The following FOXL1 variants were observed in gnomAD, a reference collection of about 807,000 sequenced individuals.
FOXL1 encodes forkhead box L1, also known as forkhead box protein L1.
Under a neutral mutation model 1.7 loss-of-function variants are expected in FOXL1, and 2 were observed. The ratio of observed to expected loss-of-function variants is 1.21; its 90% CI spans 0.49 to 3.80. The LOEUF (loss-of-function observed/expected upper bound fraction) is 3.80, where lower values mean the gene tolerates loss of function less well. FOXL1 is among the 30% of genes most tolerant of loss of function. The pLI, the probability that FOXL1 is intolerant of heterozygous loss-of-function variation, is 0.07. For synonymous variants in FOXL1, 280 were observed against 229.3 expected (o/e 1.22, Z -2.00); for missense variants, 565 against 495.8 (o/e 1.14, Z -1.32).
At position 86,581,493 on chromosome 16, in the gene FOXL1, C is replaced by T. The variant is rs1359374162; in HGVS notation, c.*1732C>T. ...TCCTATCCATGCTGAACCAGGCTTCCACGACTGGGTTCTACCCAGGCCAGT... is the reference window on the plus strand; with the variant it reads ...TCCTATCCATGCTGAACCAGGCTTCTACGACTGGGTTCTACCCAGGCCAGT... On this transcript the variant is annotated 3_prime_UTR_variant, in exon 1 of 1. Transcript: ENST00000320241. 6.0e-6 allele frequency: 1 copy of T among 167,072 alleles called. No homozygotes were observed. Among genetic ancestry groups the T allele is most frequent in the Admixed American group, 6.5e-5 (1 of 15,288 alleles). The allele number at this position is 167,072 out of a possible 1,614,324, so 10.3% of individuals were successfully genotyped here.
Position 86,579,140 on chromosome 16 carries a change from G to A in FOXL1, c.417G>A (p.Arg139=), listed in dbSNP as rs763982001. 1.2e-5 allele frequency: 20 copies of A among 1,613,248 alleles called. No individual in the cohort carries two copies. The highest frequency in any genetic ancestry group is 1.7e-5 in the Admixed American group (1 of 59,992). Residue 139 remains arginine (R), a synonymous_variant, in exon 1 of 1, where the codon CGG becomes CGA. Transcript: ENST00000320241. ...CLDMFENGNY[R]RRKRKPKPGP... ...ACATGTTTGAGAACGGCAACTACCG[G>A]CGCCGGAAGAGGAAGCCCAAGCCGG...
At position 86,579,407 on chromosome 16, in the gene FOXL1, G is replaced by T; in HGVS notation, c.684G>T (p.Val228=). The part of the protein sequence containing the change: ...AGDAAQGAAA[V]AVGQAARTGD... ...ACGCTGCCCAGGGCGCAGCGGCCGT[G>T]GCGGTCGGCCAGGCAGCGCGCACAG... The change falls in exon 1 of 1, where the codon GTG becomes GTT. Residue 228 remains valine, a synonymous_variant. Transcript: ENST00000320241. 6.5e-7 allele frequency: 1 copy of T among 1,528,272 alleles called. No homozygotes were observed. 94.7% of individuals were successfully genotyped at this position (1,528,272 alleles called of 1,614,324 possible). A position where few individuals can be genotyped will look rare whatever the true frequency, so the allele number is the denominator to read the frequency against.
rs1974383503 is a variant in FOXL1 at position 86,579,439 on chromosome 16, G to A, written c.716G>A (p.Gly239Asp). The part of the protein sequence containing the change: ...AVGQAARTGD[G>D]PGSPLRPASR... ...GGCCAGGCAGCGCGCACAGGGGACG[G>A]CCCGGGGTCCCCTCTGCGCCCCGCC... The change falls in exon 1 of 1, where the codon GGC becomes GAC. Residue 239 changes from glycine (G) to aspartate (D), a missense_variant. By Grantham distance (94) the Gly-to-Asp change is moderately conservative. Coordinates refer to ENST00000320241, the MANE Select transcript of FOXL1 (RefSeq NM_005250.3). 3 of 1,548,436 alleles carry A rather than the reference G, an allele frequency of 1.9e-6. No homozygotes were observed. The highest frequency in any genetic ancestry group is 2.4e-5 in the South Asian group (2 of 84,162).
chr16:86,578,992 G>A lies in FOXL1; in HGVS notation c.269G>A (p.Arg90Gln). The A allele has an allele frequency of 1.2e-6, 2 of 1,614,104 alleles. No homozygotes were observed. The highest frequency in any genetic ancestry group is 1.3e-5 in the African/African-American group (1 of 75,060). ...MDRFPFYHDN[R>Q]QGWQNSIRHN... Reference sequence around the variant, plus strand: ...CGCTTCCCCTTCTACCACGACAACCGGCAGGGCTGGCAGAACAGCATCCGC... The same window carrying A: ...CGCTTCCCCTTCTACCACGACAACCAGCAGGGCTGGCAGAACAGCATCCGC... The change falls in exon 1 of 1, where the codon CGG (arginine) becomes CAG (glutamine). Residue 90 changes from arginine (R) to glutamine (Q), a missense_variant. By Grantham distance (43) the Arg-to-Gln change is conservative (BLOSUM62 1). Transcript: ENST00000320241.
Position 86,579,673 on chromosome 16 carries a change from A to C in FOXL1, c.950A>C (p.His317Pro). The C allele has an allele frequency of 6.2e-7, 1 of 1,613,784 alleles. No individual in the cohort carries two copies. The highest frequency in any genetic ancestry group is 8.5e-7 in the Non-Finnish European group (1 of 1,179,982). ...PFNASLMLDP[H>P]VQGGFYQLGI... ...AACGCTTCCCTGATGCTCGACCCGC[A>C]TGTCCAGGGCGGCTTTTACCAGCTC... Residue 317 changes from histidine (H) to proline (P), a missense_variant, in exon 1 of 1, where the codon CAT becomes CCT. His to Pro is a moderately conservative substitution (Grantham distance 77). Coordinates refer to ENST00000320241, the MANE Select transcript of FOXL1 (RefSeq NM_005250.3).
chr16:86,581,353 T>A lies in FOXL1; in HGVS notation c.*1592T>A, dbSNP rs1448705872. ...GTTTCCAGGACTTGTCTAAAAATGA[T>A]GACAAACTTTGAATCCAGAGGGCCT... On this transcript the variant is annotated 3_prime_UTR_variant, in exon 1 of 1. Coordinates refer to ENST00000320241, the MANE Select transcript of FOXL1 (RefSeq NM_005250.3). The A allele has an allele frequency of 6.0e-6, 1 of 167,120 alleles. No homozygotes were observed. The highest frequency in any genetic ancestry group is 1.5e-5 in the Non-Finnish European group (1 of 68,124). The allele number at this position is 167,120 out of a possible 1,614,324, so 10.4% of individuals were successfully genotyped here. A position where few individuals can be genotyped will look rare whatever the true frequency, so the allele number is the denominator to read the frequency against.
chr16:86,580,739 A>G lies in FOXL1; in HGVS notation c.*978A>G, dbSNP rs1974402173. ...GGACAATGTCAGAGTTTTGATTTCC[A>G]TGTTTTTTCAAGATCCAGGCTTGGT... On this transcript the variant is annotated 3_prime_UTR_variant, in exon 1 of 1. Coordinates refer to ENST00000320241, the MANE Select transcript of FOXL1 (RefSeq NM_005250.3). 1.2e-5 allele frequency: 2 copies of G among 167,156 alleles called. No individual in the cohort carries two copies. Among genetic ancestry groups the G allele is most frequent in the South Asian group, 2.1e-4 (1 of 4,814 alleles). 10.4% of individuals were successfully genotyped at this position (167,156 alleles called of 1,614,324 possible).
At position 86,579,267 on chromosome 16, in the gene FOXL1, G is replaced by A; in HGVS notation, c.544G>A (p.Ala182Thr). 3 of 656,672 alleles carry A rather than the reference G, an allele frequency of 4.6e-6. No individual in the cohort carries two copies. The highest frequency in any genetic ancestry group is 1.9e-5 in the South Asian group (1 of 53,018). 40.7% of individuals were successfully genotyped at this position (656,672 alleles called of 1,614,324 possible). ...AGSGAGGSGP[A>T]ISRLQAAPAG... ...GAGCGGGGCAGGGGGCTCGGGCCCCGCAATCTCCCGCCTGCAGGCAGCGCC... is the reference window on the plus strand; with the variant it reads ...GAGCGGGGCAGGGGGCTCGGGCCCCACAATCTCCCGCCTGCAGGCAGCGCC... The change falls in exon 1 of 1, where the codon GCA (alanine) becomes ACA (threonine). Residue 182 changes from alanine to threonine, a missense_variant. By Grantham distance (58) the Ala-to-Thr change is moderately conservative. Coordinates refer to ENST00000320241, the MANE Select transcript of FOXL1 (RefSeq NM_005250.3).
rs956175563 is a variant in FOXL1, at chr16:86,580,021, A to T, written c.*260A>T. The T allele has an allele frequency of 1.8e-6, 1 of 549,006 alleles. No homozygotes were observed. Among genetic ancestry groups the T allele is most frequent in the African/African-American group, 1.9e-5 (1 of 52,750 alleles). The allele number at this position is 549,006 out of a possible 1,614,324, so 34.0% of individuals were successfully genotyped here. On this transcript the variant is annotated 3_prime_UTR_variant, in exon 1 of 1. Transcript: ENST00000320241. ...CGTGGGCACCGCACGTGGGCCCTGC[A>T]GGGACCTCCACCGCGGGAGATTCCT...
rs1006198719 is a variant in FOXL1 at position 86,579,982 on chromosome 16, G to C, written c.*221G>C. ...TGGGAGCAGCTACGGAGACTTAAAAGATCCCCGCGGGGTCGTGGGCACCGC... is the reference window on the plus strand; with the variant it reads ...TGGGAGCAGCTACGGAGACTTAAAACATCCCCGCGGGGTCGTGGGCACCGC... On this transcript the variant is annotated 3_prime_UTR_variant, in exon 1 of 1. Transcript: ENST00000320241. The C allele has an allele frequency of 6.7e-6, 4 of 600,070 alleles. No homozygotes were observed. In the African/African-American group the frequency reaches 7.5e-5, roughly 11 times the overall value. The allele number at this position is 600,070 out of a possible 1,614,324, so 37.2% of individuals were successfully genotyped here.
rs144670654 is a variant in FOXL1, at chr16:86,582,037, G to A, written c.*2276G>A. ...TTGATACTGCAGTTTTAAAAGGGTC[G>A]TATTTTAAAGTTACTATTCCAAAAA... On this transcript the variant is annotated 3_prime_UTR_variant, in exon 1 of 1. Transcript: ENST00000320241. 1.5e-4 allele frequency: 23 copies of A among 152,262 alleles called. No homozygotes were observed. Among genetic ancestry groups the A allele is most frequent in the African/African-American group, 2.9e-4 (12 of 41,538 alleles). 9.4% of individuals were successfully genotyped at this position (152,262 alleles called of 1,614,324 possible). A position where few individuals can be genotyped will look rare whatever the true frequency, so the allele number is the denominator to read the frequency against.
chr16:86,580,448 G>C lies in FOXL1; in HGVS notation c.*687G>C, dbSNP rs1374544454. 1.2e-5 allele frequency: 2 copies of C among 166,858 alleles called. No homozygotes were observed. The highest frequency in any genetic ancestry group is 2.9e-5 in the Non-Finnish European group (2 of 68,072). The allele number at this position is 166,858 out of a possible 1,614,324, so 10.3% of individuals were successfully genotyped here. A position where few individuals can be genotyped will look rare whatever the true frequency, so the allele number is the denominator to read the frequency against. On this transcript the variant is annotated 3_prime_UTR_variant, in exon 1 of 1. Transcript: ENST00000320241. ...AGACTTTTTCTCTTAATTTCTTTCT[G>C]GGTAGTAAAAAGAACATGTTTCATT...
Position 86,579,621 on chromosome 16 carries a change from G to A in FOXL1, c.898G>A (p.Ala300Thr). 6.2e-7 allele frequency: 1 copy of A among 1,613,196 alleles called. No individual in the cohort carries two copies. The highest frequency in any genetic ancestry group is 8.5e-7 in the Non-Finnish European group (1 of 1,179,916). ...GGRLGASLLAASSSLRPPFNA... is the reference protein window; with the variant it reads ...GGRLGASLLATSSSLRPPFNA... Reference sequence around the variant, plus strand: ...CCGTCTGGGTGCCTCGCTCCTGGCCGCCTCCTCCAGCCTCCGTCCGCCTTT... The same window carrying A: ...CCGTCTGGGTGCCTCGCTCCTGGCCACCTCCTCCAGCCTCCGTCCGCCTTT... Residue 300 changes from alanine (A) to threonine (T), a missense_variant, in exon 1 of 1, where the codon GCC becomes ACC. Transcript: ENST00000320241.
rs1035710037 is a variant in FOXL1 at position 86,580,364 on chromosome 16, A to C, written c.*603A>C. 3.0e-5 allele frequency: 5 copies of C among 167,198 alleles called. No homozygotes were observed. The Admixed American group carries it at 3.3e-4, about 11-fold the overall frequency. The allele number at this position is 167,198 out of a possible 1,614,324, so 10.4% of individuals were successfully genotyped here. A position where few individuals can be genotyped will look rare whatever the true frequency, so the allele number is the denominator to read the frequency against. ...TAGGGCCCGATGAGGATTTATGACC[A>C]ATGTTCAGCTATAGAAGCTGATAAC... On this transcript the variant is annotated 3_prime_UTR_variant, in exon 1 of 1. Coordinates refer to ENST00000320241, the MANE Select transcript of FOXL1 (RefSeq NM_005250.3).
rs1317847386 is a variant in FOXL1, at chr16:86,579,789, G to C, written c.*28G>C. 17 of 1,589,710 alleles carry C rather than the reference G, an allele frequency of 1.1e-5. No individual in the cohort carries two copies. The highest frequency in any genetic ancestry group is 1.4e-5 in the Non-Finnish European group (16 of 1,161,074). ...CAAACAATGGCACGGTTCTTCTCCC[G>C]GCCCAGCCTGAGCCTCCGCTGAGCG... On this transcript the variant is annotated 3_prime_UTR_variant, in exon 1 of 1. Transcript: ENST00000320241.
Position 86,579,132 on chromosome 16 carries a change from A to C in FOXL1, c.409A>C (p.Asn137His). ...CTGCCTGGACATGTTTGAGAACGGCAACTACCGGCGCCGGAAGAGGAAGCC... is the reference window on the plus strand; with the variant it reads ...CTGCCTGGACATGTTTGAGAACGGCCACTACCGGCGCCGGAAGAGGAAGCC... ...PRCLDMFENG[N>H]YRRRKRKPKP... Residue 137 changes from asparagine to histidine, a missense_variant, in exon 1 of 1, where the codon AAC becomes CAC. Transcript: ENST00000320241. 1 of 1,613,484 alleles carries C rather than the reference A, an allele frequency of 6.2e-7. No homozygotes were observed. The highest frequency in any genetic ancestry group is 8.5e-7 in the Non-Finnish European group (1 of 1,179,914).
At position 86,582,819 on chromosome 16, in the gene FOXL1, GATA is replaced by G. The variant is rs1226312329; in HGVS notation, c.*3064_*3066del. 2.0e-5 allele frequency among the ~76,000 whole-genome samples: 3 copies of G among 151,954 alleles called. No homozygotes were observed. Among genetic ancestry groups the G allele is most frequent in the African/African-American group, 7.3e-5 (3 of 41,352 alleles). On this transcript the variant is annotated 3_prime_UTR_variant, in exon 1 of 1. Coordinates refer to ENST00000320241, the MANE Select transcript of FOXL1 (RefSeq NM_005250.3). ...TTTTTCTATATAGTTTTTAAAAATA[GATA>G]ATAATTTCTATATAGCTTTAATAGT... is the stretch of plus-strand genomic sequence containing the variant.
At position 86,582,820 on chromosome 16, in the gene FOXL1, A is replaced by T. The variant is rs960782320; in HGVS notation, c.*3059A>T. Among the ~76,000 whole-genome samples the T allele has an allele frequency of 6.6e-6, 1 of 152,072 alleles. No individual in the cohort carries two copies. Among genetic ancestry groups the T allele is most frequent in the Admixed American group, 6.6e-5 (1 of 15,260 alleles). ...TTTTCTATATAGTTTTTAAAAATAGATAATAATTTCTATATAGCTTTAATA... is the reference window on the plus strand; with the variant it reads ...TTTTCTATATAGTTTTTAAAAATAGTTAATAATTTCTATATAGCTTTAATA... On this transcript the variant is annotated 3_prime_UTR_variant, in exon 1 of 1. Transcript: ENST00000320241.
Position 86,579,334 on chromosome 16 carries a change from C to T in FOXL1, c.611C>T (p.Ala204Val). 2 of 1,470,168 alleles carry T rather than the reference C, an allele frequency of 1.4e-6. No homozygotes were observed. The highest frequency in any genetic ancestry group is 2.5e-5 in the Admixed American group (1 of 40,246). 91.1% of individuals were successfully genotyped at this position (1,470,168 alleles called of 1,614,324 possible). Residue 204 changes from alanine to valine, a missense_variant, in exon 1 of 1, where the codon GCG becomes GTG. Coordinates refer to ENST00000320241, the MANE Select transcript of FOXL1 (RefSeq NM_005250.3). ...SPLLDGPSPP[A>V]PLHWPGTASP... Reference sequence around the variant, plus strand: ...CTCCTGGACGGCCCCTCTCCGCCGGCGCCCCTCCACTGGCCGGGGACCGCG... The same window carrying T: ...CTCCTGGACGGCCCCTCTCCGCCGGTGCCCCTCCACTGGCCGGGGACCGCG...
Sources: allele counts gnomAD v4.1 joint callset (sites outside exome capture counted in the v4.1 genomes callset), GRCh38; gene constraint gnomAD v4.1.1; transcripts MANE v1.5; gene names NCBI Gene and HGNC (gene_info 2026-07-23, HGNC 2026-07-21).